The following GSN variants were observed in gnomAD, a reference collection of about 807,000 sequenced individuals.
GSN encodes gelsolin, also known as actin-depolymerizing factor.
In GSN, 56 loss-of-function variants were observed where a neutral mutation model predicts 85.7. That is an observed-to-expected ratio of 0.65 (90% confidence interval 0.53 to 0.82). The LOEUF (loss-of-function observed/expected upper bound fraction) is 0.82. GSN is among the 40% of genes least tolerant of loss of function. The probability of loss-of-function intolerance (pLI) is 0.00; values close to 1 mark genes in which losing one functional copy is unlikely to be tolerated. For synonymous variants in GSN, 373 were observed against 399.1 expected (o/e 0.93, Z 0.78); for missense variants, 857 against 979.8 (o/e 0.87, Z 1.67).
intron 17 of GSN, 87 bp downstream of exon 17, chr9:121,331,535 G>C: frequency 1.3e-6 from 1 of 797,428 alleles, no homozygotes; most frequent in Non-Finnish European, 2.2e-6. Flanking sequence ...CTGGGAATGA[G>C]CATCTTTCCA....
chr9:121,294,537 G>T (rs2059025223), intron 2 of GSN, among the ~76,000 whole-genome samples: 1 of 152,194 alleles, frequency 6.6e-6, no homozygotes, highest in Admixed American at 6.5e-5. Context: ...ACTAGGTGGG[G>T]CTGGCTCCGG....
At chr9:121,247,159 C>T (rs987002083) in intron 5 of GSN, among the ~76,000 whole-genome samples, 1 of 152,166 alleles carries the variant, frequency 6.6e-6, no homozygotes, top group Admixed American at 6.5e-5. Flanking sequence ...ACTCGGTTCC[C>T]GGCTGCCCCA....
At chr9:121,209,491 A>C (rs1478455659) in intron 2 of GSN, 3 of 152,202 alleles carry the variant, frequency 2.0e-5, no homozygotes, top group Non-Finnish European at 4.4e-5. Flanking sequence ...CTACAAATAC[A>C]TGAGGGACCC....
chr9:121,314,937 C>G (rs991173159), intron 7 of GSN, among the ~76,000 whole-genome samples: 2 of 152,228 alleles, frequency 1.3e-5, no homozygotes, highest in Non-Finnish European at 2.9e-5. Flanking sequence ...TCACAGCTCA[C>G]TGCAACCTCT....
intron 6 of GSN, among the ~76,000 whole-genome samples, chr9:121,251,990 C>T (rs1046617929): frequency 9.9e-5 from 15 of 152,036 alleles, no homozygotes; most frequent in Admixed American, 9.8e-4. Flanking sequence ...AAAAGACATA[C>T]AAACAATTCA....
intron 4 of GSN, chr9:121,308,976 G>A (rs1406724436): frequency 6.6e-6 from 1 of 152,342 alleles, no homozygotes; most frequent in Non-Finnish European, 1.5e-5. Context: ...TTAGCACAGT[G>A]GGCTGAGGGG....
chr9:121,299,783 C>T lies in GSN; in HGVS notation c.-9-2180C>T. 2 of 1,227,502 alleles carry T rather than the reference C, an allele frequency of 1.6e-6. No homozygotes were observed. The highest frequency in any genetic ancestry group is 2.0e-6 in the Non-Finnish European group (2 of 976,946). 76.0% of individuals were successfully genotyped at this position (1,227,502 alleles called of 1,614,324 possible). A position where few individuals can be genotyped will look rare whatever the true frequency, so the allele number is the denominator to read the frequency against. ...CCTGGGGGGCGGTCCCCGGCTTGGG[C>T]GGGATGGGCGGGCGGCTACTTAAGG... is the stretch of plus-strand genomic sequence containing the variant. On this transcript the variant is annotated intron_variant, in intron 2 of 17. Transcript: ENST00000432226. The surrounding 1 kb of genome is among the most constrained non-coding windows in gnomAD (Gnocchi z 4.2).
At chr9:121,294,698 C>T (rs1294689715) in intron 2 of GSN, among the ~76,000 whole-genome samples, 1 of 152,228 alleles carries the variant, frequency 6.6e-6, no homozygotes, top group African/African-American at 2.4e-5. Flanking sequence ...CGATGGGGAG[C>T]ACTGCTGTGT....
At chr9:121,292,330 T>G (rs370417922) in intron 2 of GSN, among the ~76,000 whole-genome samples, 8 of 152,182 alleles carry the variant, frequency 5.3e-5, no homozygotes, top group African/African-American at 1.9e-4. Flanking sequence ...GGCCCTCTCC[T>G]GAGATGCATC....
intron 4 of GSN, among the ~76,000 whole-genome samples, chr9:121,216,061 G>T (rs756191388): frequency 1.3e-4 from 20 of 151,844 alleles, no homozygotes; most frequent in Non-Finnish European, 2.8e-4. Context: ...GGGTTCTAAC[G>T]ATTCTCCTGC....
intron 1 of GSN, among the ~76,000 whole-genome samples, chr9:121,273,443 T>C (rs2132423116): frequency 6.6e-6 from 1 of 152,228 alleles, no homozygotes; most frequent in South Asian, 2.1e-4. Flanking sequence ...TATGTACTTT[T>C]TTCTCCCCAC....
At position 121,240,442 on chromosome 9, in the gene GSN, A is replaced by G. The variant is rs892590429; in HGVS notation, c.-388-7834A>G. 3.9e-5 allele frequency among the ~76,000 whole-genome samples: 6 copies of G among 152,230 alleles called. 1 individual carries two copies. Among genetic ancestry groups the G allele is most frequent in the Non-Finnish European group, 5.9e-5 (4 of 68,044 alleles). ...CAAAGAAAGAGAATGTACTGGAAGTATATTGGGTGGCTCCTGGAACCAAAA... is the reference window on the plus strand; with the variant it reads ...CAAAGAAAGAGAATGTACTGGAAGTGTATTGGGTGGCTCCTGGAACCAAAA... On this transcript the variant is annotated intron_variant, in intron 5 of 24. Coordinates refer to the GSN transcript ENST00000373823.
At chr9:121,292,563 A>C (rs2058795158) in intron 2 of GSN, among the ~76,000 whole-genome samples, 4 of 152,206 alleles carry the variant, frequency 2.6e-5, no homozygotes, top group Admixed American at 2.6e-4. Context: ...GGGCTCCTTC[A>C]GTCCTACCAG....
intron 6 of GSN, among the ~76,000 whole-genome samples, chr9:121,250,290 C>T (rs1005102735): frequency 1.3e-5 from 2 of 150,994 alleles, no homozygotes; most frequent in African/African-American, 4.9e-5. Flanking sequence ...CTGCAACCTC[C>T]GCCTCCTGGG....
At chr9:121,308,153 C>T (rs773522032) in intron 4 of GSN, among the ~76,000 whole-genome samples, 1 of 152,214 alleles carries the variant, frequency 6.6e-6, no homozygotes, top group Non-Finnish European at 1.5e-5. Context: ...CCCACAGCTC[C>T]CTTGAAGGGG....
intron 14 of GSN, among the ~76,000 whole-genome samples, chr9:121,328,213 A>G (rs757942791): frequency 1.3e-5 from 2 of 152,140 alleles, no homozygotes; most frequent in Non-Finnish European, 2.9e-5. Flanking sequence ...CAGTCTTTAT[A>G]CTGTTACTTT....
intron 6 of GSN, among the ~76,000 whole-genome samples, chr9:121,256,729 CA>C (rs967162615): frequency 4.0e-5 from 6 of 149,514 alleles, no homozygotes; most frequent in Admixed American, 2.0e-4. Context: ...AATACAACAA[CA>C]AAAAAAAAAT....
At chr9:121,250,873 G>T (rs1165440245) in intron 6 of GSN, among the ~76,000 whole-genome samples, 1 of 13,260 alleles carries the variant, frequency 7.5e-5, no homozygotes, top group African/African-American at 2.2e-4. Flanking sequence ...CCTGCTTGGG[G>T]TGTGTGTGTG....
At chr9:121,317,458 T>C in intron 8 of GSN, 1 of 527,332 alleles carries the variant, frequency 1.9e-6, no homozygotes, top group Non-Finnish European at 3.4e-6. Flanking sequence ...CCCAAGTGCA[T>C]TATAACGTCA....
Sources: gnomAD v4.1 joint callset for allele counts (sites outside exome capture counted in the v4.1 genomes callset) on GRCh38, gnomAD v4.1.1 for gene constraint, Gnocchi (gnomAD v3.1) non-coding constraint, MANE v1.5 for transcripts, NCBI Gene and HGNC (gene_info 2026-07-23, HGNC 2026-07-21) for gene names.